The following CSMD3 variants were observed in gnomAD, a reference collection of about 807,000 sequenced individuals.
CSMD3 encodes CUB and Sushi multiple domains 3, also known as CUB and sushi domain-containing protein 3.
Under a neutral mutation model 435.2 loss-of-function variants are expected in CSMD3, and 177 were observed. That is an observed-to-expected ratio of 0.41 (90% CI 0.36 to 0.46). CSMD3 has a LOEUF of 0.46. Among genes scored for constraint, CSMD3 ranks in the 20% least tolerant of loss-of-function variants. The pLI, the probability that CSMD3 is intolerant of heterozygous loss-of-function variation, is 0.34. For missense variants in CSMD3, 4,265 were observed against 4,504.6 expected, an observed-to-expected ratio of 0.95 and a Z score of 1.52; for synonymous variants, 1,656 against 1,520.5, an observed-to-expected ratio of 1.09 and a Z score of -2.07.
chr8:113,139,636 T>C (rs1471930993), intron 4 of CSMD3, among the ~76,000 whole-genome samples: 1 of 150,584 alleles, frequency 6.6e-6, no homozygotes, highest in Non-Finnish European at 1.5e-5. Flanking sequence ...ACAAATATGC[T>C]CAAATAAACA....
intron 1 of CSMD3, among the ~76,000 whole-genome samples, chr8:113,388,873 C>A (rs2094450048): frequency 6.6e-6 from 1 of 151,456 alleles, no homozygotes; most frequent in Non-Finnish European, 1.5e-5. Context: ...AAATAAAATA[C>A]CTGCTTATCA....
chr8:113,187,919 G>A (rs756253886), intron 3 of CSMD3, among the ~76,000 whole-genome samples: 13 of 151,832 alleles, frequency 8.6e-5, no homozygotes, highest in Non-Finnish European at 1.6e-4. Flanking sequence ...CTCTATTTCT[G>A]TCAAATATTC....
chr8:112,607,915 C>A (rs1832926090), intron 22 of CSMD3, among the ~76,000 whole-genome samples: 1 of 152,112 alleles, frequency 6.6e-6, no homozygotes, highest in African/African-American at 2.4e-5. Context: ...TGCCCACTCT[C>A]ACTAATTCTA....
chr8:112,295,060 C>G (rs1376039672), intron 54 of CSMD3, among the ~76,000 whole-genome samples: 1 of 152,112 alleles, frequency 6.6e-6, no homozygotes, highest in African/African-American at 2.4e-5. Flanking sequence ...CTCTGCTACT[C>G]TTTCTCCCTA....
chr8:112,328,520 A>C (rs1223448487), intron 45 of CSMD3, among the ~76,000 whole-genome samples: 4 of 152,186 alleles, frequency 2.6e-5, no homozygotes. Context: ...AGAAATCAAG[A>C]GTGAATGCTT....
Position 112,472,483 on chromosome 8 carries a change from A to G in CSMD3, c.5395+108T>C, listed in dbSNP as rs1818619249. The G allele has an allele frequency of 6.6e-6, 5 of 756,510 alleles. No homozygotes were observed. In the East Asian group the frequency reaches 9.9e-5, roughly 15 times the overall value. 46.9% of individuals were successfully genotyped at this position (756,510 alleles called of 1,614,324 possible). The stretch of plus-strand genomic sequence containing the variant: ...TATCTAAAAAGAATTGCATAGTAAA[A>G]TACTTTATGGATAGCACGTATTTTC... On this transcript the variant is annotated intron_variant, in intron 32 of 70. Transcript: ENST00000297405.
At chr8:113,176,063 A>G (rs1463745076) in intron 3 of CSMD3, among the ~76,000 whole-genome samples, 1 of 152,156 alleles carries the variant, frequency 6.6e-6, no homozygotes, top group Non-Finnish European at 1.5e-5. Flanking sequence ...AATGAATAGT[A>G]ACATTGAATG....
At chr8:112,442,067 C>T (rs1217855248) in intron 32 of CSMD3, among the ~76,000 whole-genome samples, 1 of 152,066 alleles carries the variant, frequency 6.6e-6, no homozygotes, top group Non-Finnish European at 1.5e-5. Flanking sequence ...TAGGTTAGAA[C>T]TTCAGGAAGC....
At chr8:113,225,867 A>C (rs2093022080) in intron 3 of CSMD3, among the ~76,000 whole-genome samples, 1 of 151,536 alleles carries the variant, frequency 6.6e-6, no homozygotes. Flanking sequence ...TCCGAATTGT[A>C]ATCCCCACTT....
intron 13 of CSMD3, among the ~76,000 whole-genome samples, chr8:112,789,699 G>A: frequency 6.6e-6 from 1 of 151,902 alleles, no homozygotes; most frequent in East Asian, 1.9e-4. Flanking sequence ...TTGACATAAT[G>A]CTGTTTTAAA....
chr8:113,376,785 C>T, intron 1 of CSMD3: 1 of 1,613,898 alleles, frequency 6.2e-7, no homozygotes, highest in Non-Finnish European at 8.5e-7. Context: ...GCAAAGGAAC[C>T]AACTCCACAT....
chr8:113,309,160 AGGCT>A (rs1282705972), intron 2 of CSMD3: 1 of 152,036 alleles, frequency 6.6e-6, no homozygotes, highest in East Asian at 1.9e-4. Context: ...CATGTTGCCC[AGGCT>A]GGTCTCAAAC....
In CSMD3 at chr8:113,275,887, G is replaced by C. The variant is rs1161478344; in HGVS notation, c.514+2705C>G. Among the ~76,000 whole-genome samples the C allele has an allele frequency of 2.6e-5, 4 of 152,056 alleles. No homozygotes were observed. The South Asian group carries it at 6.2e-4, about 24-fold the overall frequency. ...AAAATACAGGCATAATACTTGAGAA[G>C]ATGTCCAGGTTAGTAGATCTATTTT... On this transcript the variant is annotated intron_variant, in intron 3 of 70. Transcript: ENST00000297405.
In CSMD3 at chr8:112,920,092, G is replaced by A. The variant is rs897004491; in HGVS notation, c.1633+1535C>T. Among the ~76,000 whole-genome samples, 7 of 151,820 alleles carry A rather than the reference G, an allele frequency of 4.6e-5. No individual in the cohort carries two copies. In the East Asian group the frequency reaches 1.4e-3, roughly 29 times the overall value. The stretch of plus-strand genomic sequence containing the variant: ...AGCAAACAAGCCATCAGAAATGCCA[G>A]TACGACATGATGAGGTATTCATTTT... On this transcript the variant is annotated intron_variant, in intron 10 of 70. Transcript: ENST00000297405.
At chr8:113,276,927 G>A (rs16884483) in intron 3 of CSMD3, among the ~76,000 whole-genome samples, 56,305 of 151,696 alleles carry the variant, frequency 0.37, 11,344 homozygotes, top group African/African-American at 0.54. Flanking sequence ...CAGAAATTTA[G>A]TGTGGTATAT....
intron 5 of CSMD3, among the ~76,000 whole-genome samples, chr8:113,050,418 T>C (rs183522059): frequency 3.4e-4 from 52 of 152,136 alleles, no homozygotes; most frequent in Middle Eastern, 3.4e-3. Context: ...CAGAAATAAA[T>C]TATGGATGAT....
intron 27 of CSMD3, among the ~76,000 whole-genome samples, chr8:112,530,030 T>A (rs892363343): frequency 6.6e-6 from 1 of 151,860 alleles, no homozygotes; most frequent in African/African-American, 2.4e-5. Context: ...GAAAAATAAC[T>A]AGCGAGGTCC....
chr8:112,772,597 G>T (rs541973403), intron 13 of CSMD3, among the ~76,000 whole-genome samples: 36 of 152,008 alleles, frequency 2.4e-4, no homozygotes, highest in African/African-American at 8.5e-4. Context: ...CACCTGTAAA[G>T]GGTCTGTGCT....
chr8:113,072,059 T>C (rs1474896618), intron 5 of CSMD3, among the ~76,000 whole-genome samples: 1 of 151,772 alleles, frequency 6.6e-6, no homozygotes, highest in Non-Finnish European at 1.5e-5. Flanking sequence ...TTTATTATTT[T>C]ATTGCTATTG....
Sources: gnomAD v4.1 joint callset for allele counts (sites outside exome capture counted in the v4.1 genomes callset) on GRCh38, gnomAD v4.1.1 for gene constraint, MANE v1.5 for transcripts, NCBI Gene and HGNC (gene_info 2026-07-23, HGNC 2026-07-21) for gene names.